The following YEATS4 variants were observed in gnomAD, a reference collection of about 807,000 sequenced individuals.
YEATS4 encodes YEATS domain containing 4.
YEATS4 carries 17 observed loss-of-function variants against 30.1 expected under a neutral mutation model. The observed-to-expected ratio is 0.56, with a 90% confidence interval of 0.39 to 0.85. The LOEUF (loss-of-function observed/expected upper bound fraction) is 0.85. Ranked by LOEUF, YEATS4 falls within the 40% of genes least tolerant of loss-of-function variation. YEATS4 has a pLI of 0.00. For synonymous variants in YEATS4, 85 were observed against 87.5 expected (o/e 0.97, Z 0.16); for missense variants, 142 against 268.3 (o/e 0.53, Z 3.29).
the YEATS4 span, among the ~76,000 whole-genome samples, chr12:69,413,537 A>G: frequency 1.7e-5 from 2 of 118,834 alleles, no homozygotes; most frequent in Non-Finnish European, 3.4e-5. Flanking sequence ...CCCCCCGTCA[A>G]TCTAACCCAA....
chr12:69,368,965 C>T (rs1444008542), intron 4 of YEATS4, among the ~76,000 whole-genome samples: 2 of 152,146 alleles, frequency 1.3e-5, no homozygotes, highest in African/African-American at 4.8e-5. Context: ...CTTTTGCCTG[C>T]ATTTATAGTC....
At chr12:69,395,982 T>C in the YEATS4 span, among the ~76,000 whole-genome samples, 4 of 152,228 alleles carry the variant, frequency 2.6e-5, no homozygotes, top group South Asian at 8.3e-4. Context: ...TTACTTAAGA[T>C]AAATTTTAAC....
At chr12:69,378,889 A>G (rs569953541) in intron 6 of YEATS4, among the ~76,000 whole-genome samples, 1 of 150,678 alleles carries the variant, frequency 6.6e-6, no homozygotes, top group Non-Finnish European at 1.5e-5. Context: ...ATTTCACATT[A>G]CTTATTAACA....
intron 1 of YEATS4, among the ~76,000 whole-genome samples, chr12:69,362,013 G>GTTTTTGTTTTTTTTTT (rs1555174243): frequency 1.3e-3 from 93 of 69,052 alleles, no homozygotes; most frequent in Non-Finnish European, 2.2e-3. Flanking sequence ...GTGTTTGGTT[G>GTTTTTGTTTTTTTTTT]TTTTTTTTTT....
the YEATS4 span, among the ~76,000 whole-genome samples, chr12:69,423,386 T>G: frequency 6.6e-6 from 1 of 152,198 alleles, no homozygotes; most frequent in Admixed American, 6.5e-5. Context: ...AACAGGGCAC[T>G]TTTGAGAAAA....
the YEATS4 span, among the ~76,000 whole-genome samples, chr12:69,414,352 C>T: frequency 6.6e-6 from 1 of 152,140 alleles, no homozygotes; most frequent in Non-Finnish European, 1.5e-5. Context: ...ACCTCAGCCT[C>T]CCCAGTAGCT....
intron 1 of YEATS4, 119 bp downstream of exon 1, chr12:69,360,142 T>C: frequency 8.5e-7 from 1 of 1,176,014 alleles, no homozygotes; most frequent in Non-Finnish European, 1.2e-6. Context: ...GTTTGAACCG[T>C]GGTTTCAGGT....
At chr12:69,363,165 T>C (rs1875296404) in intron 2 of YEATS4, among the ~76,000 whole-genome samples, 1 of 151,780 alleles carries the variant, frequency 6.6e-6, no homozygotes, top group African/African-American at 2.4e-5. Flanking sequence ...GCTAATTTTT[T>C]GTATTTTTTG....
intron 6 of YEATS4, among the ~76,000 whole-genome samples, chr12:69,371,229 A>G (rs984586669): frequency 1.3e-5 from 2 of 152,188 alleles, no homozygotes; most frequent in Non-Finnish European, 2.9e-5. Context: ...TTATTCCCTA[A>G]TTACATTTAA....
the YEATS4 span, among the ~76,000 whole-genome samples, chr12:69,414,506 C>T: frequency 1.3e-5 from 2 of 152,224 alleles, no homozygotes; most frequent in South Asian, 2.1e-4. Context: ...ACTGGACTAG[C>T]AGGCATGAGC....
At chr12:69,412,340 C>T in the YEATS4 span, among the ~76,000 whole-genome samples, 1 of 152,028 alleles carries the variant, frequency 6.6e-6, no homozygotes, top group Non-Finnish European at 1.5e-5. Flanking sequence ...GCTCAGGTGC[C>T]ACTATTGTCC....
downstream of YEATS4, among the ~76,000 whole-genome samples, chr12:69,392,779 C>T (rs1868325762): frequency 6.6e-6 from 1 of 152,322 alleles, no homozygotes; most frequent in South Asian, 2.1e-4. Flanking sequence ...GATGAGTAAT[C>T]TGCTATGGGC....
rs1875116991 is a variant in YEATS4 at position 69,359,933 on chromosome 12, T to C, written c.-40T>C. On this transcript the variant is annotated 5_prime_UTR_variant, in exon 1 of 7. Coordinates refer to ENST00000247843, the MANE Select transcript of YEATS4 (RefSeq NM_006530.4). ...GGAGCGGCGACCCCGCCAGCCCCGGTCTCTTTCCCTGGCGGCGGCGGCTTC... is the reference window on the plus strand; with the variant it reads ...GGAGCGGCGACCCCGCCAGCCCCGGCCTCTTTCCCTGGCGGCGGCGGCTTC... 1.2e-6 allele frequency: 2 copies of C among 1,611,248 alleles called. No individual in the cohort carries two copies. Among genetic ancestry groups the C allele is most frequent in the South Asian group, 2.2e-5 (2 of 90,848 alleles).
the YEATS4 span, among the ~76,000 whole-genome samples, chr12:69,416,712 T>C: frequency 6.6e-6 from 1 of 152,300 alleles, no homozygotes; most frequent in South Asian, 2.1e-4. Context: ...GATCAATGTG[T>C]AACAATCAAT....
chr12:69,398,570 T>C, the YEATS4 span, among the ~76,000 whole-genome samples: 1 of 152,128 alleles, frequency 6.6e-6, no homozygotes, highest in Non-Finnish European at 1.5e-5. Context: ...TCCCAGCACT[T>C]TGGGAGACAG....
chr12:69,406,796 G>A, the YEATS4 span, among the ~76,000 whole-genome samples: 19,086 of 151,922 alleles, frequency 0.13, 1,528 homozygotes, highest in East Asian at 0.38. Flanking sequence ...CATTTAGATT[G>A]TTTCCAATTT....
chr12:69,413,673 G>A, the YEATS4 span, among the ~76,000 whole-genome samples: 6 of 151,930 alleles, frequency 3.9e-5, no homozygotes, highest in Non-Finnish European at 7.4e-5. Flanking sequence ...CCAACATGGC[G>A]AAACCCCGTC....
the YEATS4 span, among the ~76,000 whole-genome samples, chr12:69,417,234 T>C: frequency 2.7e-5 from 4 of 145,818 alleles, no homozygotes; most frequent in South Asian, 6.8e-4. Context: ...CATGGCTCAC[T>C]GCAGCCTCAA....
intron 1 of YEATS4, chr12:69,361,231 T>TA (rs1477606956): frequency 4.1e-5 from 6 of 145,320 alleles, no homozygotes; most frequent in African/African-American, 1.6e-4. Context: ...TAGTAGGTTT[T>TA]AAAATACTTA....
Sources: allele counts gnomAD v4.1 joint callset (sites outside exome capture counted in the v4.1 genomes callset), GRCh38; gene constraint gnomAD v4.1.1; transcripts MANE v1.5; gene names NCBI Gene and HGNC (gene_info 2026-07-23, HGNC 2026-07-21).